The following PDS5B variants were observed in gnomAD, a reference collection of about 807,000 sequenced individuals.
PDS5B encodes sister chromatid cohesion protein PDS5 homolog B.
In PDS5B, 51 loss-of-function variants were observed where a neutral mutation model predicts 184.1. The observed-to-expected ratio is 0.28, with a 90% CI of 0.22 to 0.35. PDS5B has a LOEUF of 0.35. Ranked by LOEUF, PDS5B falls within the 10% of genes least tolerant of loss-of-function variation. The pLI is 1.00. For missense variants in PDS5B, 1,180 were observed against 1,723.3 expected (o/e 0.68, Z 5.58); for synonymous variants, 566 against 569.2 (o/e 0.99, Z 0.08).
At chr13:32,694,954 T>G (rs996579140) in intron 14 of PDS5B, among the ~76,000 whole-genome samples, 2 of 151,756 alleles carry the variant, frequency 1.3e-5, no homozygotes, top group Non-Finnish European at 3.0e-5. Context: ...AACAAGAGTA[T>G]TCTTTTTTCT....
In PDS5B at chr13:32,753,318, TTG is replaced by T; in HGVS notation, c.2737-10_2737-9del. The T allele has an allele frequency of 6.3e-7, 1 of 1,599,684 alleles. No homozygotes were observed. Among genetic ancestry groups the T allele is most frequent in the Non-Finnish European group, 8.6e-7 (1 of 1,168,122 alleles). ...GCCATTTGAATAATATCTGGAATAA[TTG>T]TGTCTTTACAGGATGAATGCTATCA... On this transcript the variant is annotated splice_polypyrimidine_tract_variant and intron_variant, in intron 24 of 34. Coordinates refer to ENST00000315596, the MANE Select transcript of PDS5B (RefSeq NM_015032.4).
chr13:32,622,696 A>G (rs1236297595), intron 1 of PDS5B, among the ~76,000 whole-genome samples: 1 of 152,214 alleles, frequency 6.6e-6, no homozygotes, highest in East Asian at 1.9e-4. Context: ...TATTATTTTC[A>G]TATTGTTTAA....
At chr13:32,632,525 A>T (rs2058474697) in intron 1 of PDS5B, among the ~76,000 whole-genome samples, 1 of 152,226 alleles carries the variant, frequency 6.6e-6, no homozygotes, top group African/African-American at 2.4e-5. Context: ...GTTGAAGAGG[A>T]TGTGGAAAAA....
intron 9 of PDS5B, 40 bp from the exon 10 acceptor site, chr13:32,678,795 C>G (rs1216783769): frequency 2.7e-6 from 3 of 1,093,502 alleles, no homozygotes; most frequent in Non-Finnish European, 4.2e-6. Context: ...GTCTGTTTCT[C>G]TTATTTTGAA....
At chr13:32,666,653 A>G (rs1950805495) in intron 6 of PDS5B, among the ~76,000 whole-genome samples, 1 of 152,182 alleles carries the variant, frequency 6.6e-6, no homozygotes, top group Non-Finnish European at 1.5e-5. Context: ...AATATTGTGA[A>G]AAGACAAGTA....
intron 1 of PDS5B, among the ~76,000 whole-genome samples, chr13:32,610,662 G>GATT (rs1271970432): frequency 6.6e-6 from 1 of 151,036 alleles, no homozygotes; most frequent in Non-Finnish European, 1.5e-5. Flanking sequence ...TCCTTTGAGA[G>GATT]ATATATAGTG....
At chr13:32,721,868 CCAGACTGGGTGGCCGGG>C (rs1209281849) in intron 19 of PDS5B, among the ~76,000 whole-genome samples, 6 of 150,022 alleles carry the variant, frequency 4.0e-5, no homozygotes, top group Non-Finnish European at 7.4e-5. Context: ...TCCTCACTTC[CCAGACTGGGTGGCCGGG>C]CAGAGGGGCT....
At chr13:32,607,849 A>T in intron 1 of PDS5B, among the ~76,000 whole-genome samples, 1 of 152,168 alleles carries the variant, frequency 6.6e-6, no homozygotes, top group East Asian at 1.9e-4. Flanking sequence ...TGGGTGTGGG[A>T]CCCGCTGAGC....
chr13:32,775,790 G>T lies in PDS5B; in HGVS notation c.*738G>T. 3 of 374,310 alleles carry T rather than the reference G, an allele frequency of 8.0e-6. No homozygotes were observed. The highest frequency in any genetic ancestry group is 1.6e-5 in the Non-Finnish European group (3 of 190,426). 23.2% of individuals were successfully genotyped at this position (374,310 alleles called of 1,614,324 possible). On this transcript the variant is annotated 3_prime_UTR_variant, in exon 35 of 35. Transcript: ENST00000315596. ...AAAATTTTAAGAAGAAAGATTTAAA[G>T]TATTTTAATTTTAAAGAGTGTGTTA... is the stretch of plus-strand genomic sequence containing the variant.
chr13:32,718,083 A>C (rs950318902), intron 19 of PDS5B, among the ~76,000 whole-genome samples: 4 of 152,186 alleles, frequency 2.6e-5, no homozygotes, highest in Non-Finnish European at 4.4e-5. Context: ...ATTTATGTTT[A>C]CAATTTATTA....
chr13:32,619,158 T>TAAA (rs2058259685), intron 1 of PDS5B, among the ~76,000 whole-genome samples: 1 of 61,456 alleles, frequency 1.6e-5, no homozygotes, highest in South Asian at 8.0e-4. Flanking sequence ...GGTGGTAAGG[T>TAAA]CTTTGAGGTA....
At chr13:32,694,456 T>A in intron 14 of PDS5B, 152 bp downstream of exon 14, 1 of 630,438 alleles carries the variant, frequency 1.6e-6, no homozygotes, top group South Asian at 1.8e-5. Context: ...TCTGAATTTT[T>A]AAGAAACTTA....
intron 19 of PDS5B, among the ~76,000 whole-genome samples, chr13:32,712,654 A>G (rs1173772922): frequency 2.0e-5 from 3 of 152,232 alleles, no homozygotes; most frequent in Non-Finnish European, 4.4e-5. Flanking sequence ...AGGGATATGT[A>G]TTGGCAGTGT....
chr13:32,648,660 C>A (rs550254101), intron 1 of PDS5B, 94 bp from the exon 2 acceptor site: 3 of 600,772 alleles, frequency 5.0e-6, no homozygotes, highest in African/African-American at 1.9e-5. Flanking sequence ...GAGGTAGTTA[C>A]AAATTTTGGT....
intron 21 of PDS5B, among the ~76,000 whole-genome samples, chr13:32,737,797 C>G (rs1211032012): frequency 6.6e-6 from 1 of 152,088 alleles, no homozygotes; most frequent in East Asian, 1.9e-4. Context: ...ACAATGAACA[C>G]CTATGAACTC....
At chr13:32,752,298 G>A (rs1008005765) in intron 24 of PDS5B, among the ~76,000 whole-genome samples, 1 of 151,946 alleles carries the variant, frequency 6.6e-6, no homozygotes, top group Non-Finnish European at 1.5e-5. Flanking sequence ...CTTTATCATA[G>A]GTATCTATAT....
chr13:32,716,843 G>T (rs1952451901), intron 19 of PDS5B, among the ~76,000 whole-genome samples: 2 of 131,946 alleles, frequency 1.5e-5, no homozygotes. Flanking sequence ...GAGGGAGGTT[G>T]GGGGGTCAGC....
intron 1 of PDS5B, among the ~76,000 whole-genome samples, chr13:32,627,675 G>C (rs1352864281): frequency 3.3e-5 from 5 of 152,182 alleles, no homozygotes; most frequent in Non-Finnish European, 4.4e-5. Context: ...GTAAAGAACA[G>C]ATTATATAAT....
chr13:32,763,155 A>G (rs534713317), intron 30 of PDS5B, among the ~76,000 whole-genome samples: 1 of 152,270 alleles, frequency 6.6e-6, no homozygotes, highest in South Asian at 2.1e-4. Flanking sequence ...AATGAGGGAA[A>G]AATTATGAGA....
Sources: allele counts gnomAD v4.1 joint callset (sites outside exome capture counted in the v4.1 genomes callset), GRCh38; gene constraint gnomAD v4.1.1; transcripts MANE v1.5; gene names NCBI Gene and HGNC (gene_info 2026-07-23, HGNC 2026-07-21).